Variants in DGKB observed in about 807,000 individuals in gnomAD.
DGKB encodes diacylglycerol kinase beta.
Under a neutral mutation model 114.3 loss-of-function variants are expected in DGKB, and 67 were observed. The ratio of observed to expected loss-of-function variants is 0.59; its 90% CI spans 0.48 to 0.72. DGKB has a LOEUF of 0.72. Ranked by LOEUF, DGKB falls within the 30% of genes least tolerant of loss-of-function variation. DGKB has a pLI of 0.00. For synonymous variants in DGKB, 398 were observed against 323.1 expected, an observed-to-expected ratio of 1.23 and a Z score of -2.49; for missense variants, 907 against 975.2, an observed-to-expected ratio of 0.93 and a Z score of 0.93.
At chr7:14,720,114 G>T (rs909229273) in intron 5 of DGKB, among the ~76,000 whole-genome samples, 1 of 146,680 alleles carries the variant, frequency 6.8e-6, no homozygotes, top group Non-Finnish European at 1.5e-5. Context: ...GCACACACAC[G>T]CACACACACA....
At chr7:14,764,807 C>T (rs545660193) in intron 2 of DGKB, among the ~76,000 whole-genome samples, 1 of 151,466 alleles carries the variant, frequency 6.6e-6, no homozygotes, top group Non-Finnish European at 1.5e-5. Flanking sequence ...TTTATTTACT[C>T]TCACCTTAGG....
intron 1 of DGKB, among the ~76,000 whole-genome samples, chr7:14,891,247 G>A (rs550130425): frequency 2.0e-5 from 3 of 151,402 alleles, no homozygotes; most frequent in Non-Finnish European, 4.4e-5. Context: ...GAAGAAGATA[G>A]TCACTTACCT....
At chr7:14,908,748 G>C (rs80293326) in intron 1 of DGKB, among the ~76,000 whole-genome samples, 2,901 of 152,136 alleles carry the variant, frequency 0.019, 98 homozygotes, top group African/African-American at 0.067. Flanking sequence ...TAACTTGAAA[G>C]GAAGAGTGGA....
intron 1 of DGKB, among the ~76,000 whole-genome samples, chr7:14,951,115 G>T (rs1294953471): frequency 1.3e-5 from 2 of 148,180 alleles, no homozygotes; most frequent in Admixed American, 6.6e-5. Context: ...TCTGATAAAG[G>T]GCATCTATAA....
At chr7:14,530,151 G>C (rs983072143) in intron 20 of DGKB, among the ~76,000 whole-genome samples, 1 of 151,380 alleles carries the variant, frequency 6.6e-6, no homozygotes, top group South Asian at 2.1e-4. Flanking sequence ...TTTTATTAAG[G>C]CTGTGTTTTT....
intron 1 of DGKB, among the ~76,000 whole-genome samples, chr7:14,962,114 C>T (rs1175615605): frequency 6.6e-6 from 1 of 152,094 alleles, no homozygotes; most frequent in Non-Finnish European, 1.5e-5. Context: ...GTATGTGACA[C>T]AAGTGTATAA....
intron 23 of DGKB, among the ~76,000 whole-genome samples, chr7:14,203,428 A>G (rs1562605271): frequency 6.6e-6 from 1 of 152,010 alleles, no homozygotes; most frequent in Non-Finnish European, 1.5e-5. Flanking sequence ...CCAAAGCAGC[A>G]ATGATTCACC....
chr7:14,714,150 C>T (rs1490490055), intron 6 of DGKB, among the ~76,000 whole-genome samples: 1 of 150,978 alleles, frequency 6.6e-6, no homozygotes, highest in Non-Finnish European at 1.5e-5. Flanking sequence ...CAAAATAAAT[C>T]CAATTAGGAG....
chr7:14,698,457 G>A (rs1824485586), intron 7 of DGKB, among the ~76,000 whole-genome samples: 1 of 152,110 alleles, frequency 6.6e-6, no homozygotes, highest in African/African-American at 2.4e-5. Context: ...TCTGAAGAAA[G>A]CAGGACCAAA....
chr7:14,228,948 A>C (rs1791278500), intron 23 of DGKB, among the ~76,000 whole-genome samples: 1 of 151,042 alleles, frequency 6.6e-6, no homozygotes, highest in Non-Finnish European at 1.5e-5. Context: ...TGAATTAAGA[A>C]TAGCATTTAG....
intron 23 of DGKB, among the ~76,000 whole-genome samples, chr7:14,209,902 T>G (rs1787482537): frequency 6.6e-6 from 1 of 152,046 alleles, no homozygotes; most frequent in Admixed American, 6.6e-5. Flanking sequence ...CTGTCTTTTT[T>G]TTTTTAATGT....
chr7:14,628,908 T>C (rs1472537628), intron 14 of DGKB, among the ~76,000 whole-genome samples: 1 of 152,040 alleles, frequency 6.6e-6, no homozygotes, highest in East Asian at 1.9e-4. Context: ...TTTTAAAAAC[T>C]TCATATCAAA....
At chr7:14,383,499 A>G (rs559387758) in intron 21 of DGKB, among the ~76,000 whole-genome samples, 2 of 152,220 alleles carry the variant, frequency 1.3e-5, no homozygotes, top group Non-Finnish European at 2.9e-5. Context: ...GTGTAGTCTT[A>G]TGTGTTGGCT....
At chr7:14,739,467 C>T (rs535329139) in intron 4 of DGKB, among the ~76,000 whole-genome samples, 7 of 152,254 alleles carry the variant, frequency 4.6e-5, no homozygotes, top group Non-Finnish European at 7.3e-5. Flanking sequence ...GGTGGAAACC[C>T]GAATGCAGGA....
chr7:14,714,292 G>C (rs935084615), intron 6 of DGKB, among the ~76,000 whole-genome samples: 40 of 152,078 alleles, frequency 2.6e-4, no homozygotes, highest in Non-Finnish European at 8.8e-5. Flanking sequence ...AAGTGGAAAA[G>C]TTCAGGGTTT....
chr7:14,311,792 C>T (rs746285886), intron 23 of DGKB, among the ~76,000 whole-genome samples: 4 of 152,012 alleles, frequency 2.6e-5, no homozygotes, highest in Non-Finnish European at 4.4e-5. Flanking sequence ...ACAATGTTTC[C>T]GTATTTTTGG....
intron 1 of DGKB, among the ~76,000 whole-genome samples, chr7:14,919,826 G>C (rs998476265): frequency 6.6e-6 from 1 of 152,068 alleles, no homozygotes; most frequent in African/African-American, 2.4e-5. Context: ...ATGTGAGCTT[G>C]TTGTTTAACC....
intron 17 of DGKB, among the ~76,000 whole-genome samples, chr7:14,601,890 C>G (rs79605942): frequency 4.0e-3 from 603 of 152,232 alleles, no homozygotes; most frequent in African/African-American, 0.013. Flanking sequence ...TAGATAATCT[C>G]TAAGACTGAA....
intron 20 of DGKB, among the ~76,000 whole-genome samples, chr7:14,545,844 T>G (rs1240224957): frequency 6.6e-6 from 1 of 152,224 alleles, no homozygotes; most frequent in African/African-American, 2.4e-5. Flanking sequence ...TATGAAGAAC[T>G]AAAGTAGACC....
Sources: gnomAD v4.1 joint callset for allele counts (sites outside exome capture counted in the v4.1 genomes callset) on GRCh38, gnomAD v4.1.1 for gene constraint, MANE v1.5 for transcripts, NCBI Gene and HGNC (gene_info 2026-07-23, HGNC 2026-07-21) for gene names.